The following CHD8 variants were observed in gnomAD, a reference collection of about 807,000 sequenced individuals.
CHD8 encodes the protein chromodomain helicase DNA binding protein 8, also known as ATP-dependent chromatin remodeler CHD8.
A neutral mutation model predicts 279.2 loss-of-function variants in CHD8; 31 were observed. That is an observed-to-expected ratio of 0.11 (90% CI 0.08 to 0.15). CHD8 has a LOEUF of 0.15. Among genes scored for constraint, CHD8 ranks in the 10% least tolerant of loss-of-function variants. CHD8 has a pLI of 1.00. For synonymous variants in CHD8, 1,081 were observed against 1,139.6 expected, an observed-to-expected ratio of 0.95 and a Z score of 1.04; for missense variants, 2,146 against 3,230.5, an observed-to-expected ratio of 0.66 and a Z score of 8.14.
Position 21,385,454 on chromosome 14 carries a change from G to T in CHD8, c.*159C>A. On this transcript the variant is annotated 3_prime_UTR_variant, in exon 38 of 38. Coordinates refer to ENST00000646647, the MANE Select transcript of CHD8 (RefSeq NM_001170629.2). ...CTGCCCACCCAATCCTCTCATAATT[G>T]GGAGCAATCAGGTACATTTTTTTTT... 2 of 1,193,328 alleles carry T rather than the reference G, an allele frequency of 1.7e-6. No homozygotes were observed. Among genetic ancestry groups the T allele is most frequent in the Non-Finnish European group, 2.3e-6 (2 of 884,038 alleles). The allele number at this position is 1,193,328 out of a possible 1,614,324, so 73.9% of individuals were successfully genotyped here. A position where few individuals can be genotyped will look rare whatever the true frequency, so the allele number is the denominator to read the frequency against.
chr14:21,429,620 C>T (rs1447008675), intron 2 of CHD8: 2 of 485,620 alleles, frequency 4.1e-6, no homozygotes, highest in East Asian at 9.2e-5. Context: ...CAACCTGGGC[C>T]AATTCATCCC....
At chr14:21,417,371 G>A (rs1170752965) in intron 5 of CHD8, among the ~76,000 whole-genome samples, 1 of 152,090 alleles carries the variant, frequency 6.6e-6, no homozygotes, top group Non-Finnish European at 1.5e-5. Flanking sequence ...ACAGGGGATT[G>A]GTTCAATAAA....
In CHD8 at chr14:21,392,845, T is replaced by C. The variant is rs1279217965; in HGVS notation, c.6469-36A>G. On this transcript the variant is annotated intron_variant, in intron 33 of 37. Coordinates refer to ENST00000646647, the MANE Select transcript of CHD8 (RefSeq NM_001170629.2). ...AAAGAAAGAAATACCATTTTAAGAG[T>C]CTGAGTACTAGCTGTGTGATCCTGT... 4 of 1,593,938 alleles carry C rather than the reference T, an allele frequency of 2.5e-6. No individual in the cohort carries two copies. The South Asian group carries it at 4.5e-5, about 18-fold the overall frequency.
At position 21,405,106 on chromosome 14, in the gene CHD8, T is replaced by G; in HGVS notation, c.3307+103A>C. The stretch of plus-strand genomic sequence containing the variant: ...CCCATTCCTCAGTCCGCACCCCAAA[T>G]TAGGTTGGTTGAGTCAATGCATCCA... On this transcript the variant is annotated intron_variant, in intron 16 of 37. Transcript: ENST00000646647. This position sits in a 1 kb window ranked among gnomAD's most constrained non-coding sequence, Gnocchi z 4.2. 1.8e-6 allele frequency: 2 copies of G among 1,132,150 alleles called. No homozygotes were observed. Among genetic ancestry groups the G allele is most frequent in the Non-Finnish European group, 2.5e-6 (2 of 787,132 alleles). 70.1% of individuals were successfully genotyped at this position (1,132,150 alleles called of 1,614,324 possible).
At chr14:21,391,342 T>C (rs1280746733) in intron 36 of CHD8, 121 bp downstream of exon 36, 1 of 918,750 alleles carries the variant, frequency 1.1e-6, no homozygotes, top group Non-Finnish European at 1.6e-6. Flanking sequence ...GTATTATTAA[T>C]TATTACCCTT....
intron 32 of CHD8, 63 bp downstream of exon 32, chr14:21,393,413 A>G: frequency 6.7e-7 from 1 of 1,498,656 alleles, no homozygotes; most frequent in Non-Finnish European, 8.9e-7. Flanking sequence ...TGCATTTAGA[A>G]AAGGGAAAGA....
At chr14:21,434,460 T>C (rs943147528) in intron 1 of CHD8, among the ~76,000 whole-genome samples, 3 of 152,138 alleles carry the variant, frequency 2.0e-5, no homozygotes, top group African/African-American at 7.2e-5. Context: ...TGCTCTTCCT[T>C]TCCCCCATAA....
intron 4 of CHD8, 177 bp from the exon 5 acceptor site, chr14:21,426,419 T>C: frequency 1.8e-6 from 1 of 571,308 alleles, no homozygotes; most frequent in Non-Finnish European, 3.1e-6. Context: ...ATATTAGGGT[T>C]TGTAAACCAC....
At chr14:21,399,558 TA>T in intron 26 of CHD8, 43 bp downstream of exon 26, 1 of 1,379,834 alleles carries the variant, frequency 7.2e-7, no homozygotes, top group South Asian at 1.2e-5. Context: ...TCCGTGAACA[TA>T]AATCTTCAGT....
chr14:21,455,533 C>T (rs1233744635), intron 1 of CHD8, among the ~76,000 whole-genome samples: 1 of 152,150 alleles, frequency 6.6e-6, no homozygotes, highest in African/African-American at 2.4e-5. Flanking sequence ...GAACTTACAC[C>T]TGAGAATGAG....
At chr14:21,450,394 T>C (rs565825601) in intron 1 of CHD8, among the ~76,000 whole-genome samples, 24 of 152,240 alleles carry the variant, frequency 1.6e-4, no homozygotes, top group African/African-American at 5.1e-4. Flanking sequence ...AAAGATATAG[T>C]GCATCCCCAA....
At chr14:21,447,999 T>C (rs539447798) in intron 1 of CHD8, among the ~76,000 whole-genome samples, 3 of 152,330 alleles carry the variant, frequency 2.0e-5, no homozygotes, top group Admixed American at 1.3e-4. Flanking sequence ...TATATTAATT[T>C]AGGTAACAGA....
At position 21,431,313 on chromosome 14, in the gene CHD8, G is replaced by A. The variant is rs1555318679; in HGVS notation, c.331C>T (p.Gln111Ter). Residue 111 changes from glutamine (Q) to a stop codon, truncating the protein, a stop_gained, in exon 2 of 38, where the codon CAG becomes TAG. Transcript: ENST00000646647. LOFTEE classifies it high-confidence loss of function. ...SQEQPAQPVL[Q>*]TSTPTSGLLQ... ...AGTCCTGATGTTGGCGTCGATGTCT[G>A]TAAGACAGGTTGGGCTGGCTGCTCC... 1 of 1,550,618 alleles carries A rather than the reference G, an allele frequency of 6.4e-7. No homozygotes were observed.
At position 21,431,595 on chromosome 14, in the gene CHD8, G is replaced by A; in HGVS notation, c.49C>T (p.Leu17=). ...AAGCTGTCATCAGTCAGAGAGTCCA[G>A]GCCAAATAAATTTGGGTCATCGAAC... ...DLFDDPNLFG[L]DSLTDDSFNQ... The change falls in exon 2 of 38, where the codon CTG becomes TTG. Residue 17 remains leucine (L), a synonymous_variant. Coordinates refer to ENST00000646647, the MANE Select transcript of CHD8 (RefSeq NM_001170629.2). The A allele has an allele frequency of 3.3e-6, 5 of 1,537,346 alleles. No individual in the cohort carries two copies. The highest frequency in any genetic ancestry group is 4.4e-6 in the Non-Finnish European group (5 of 1,146,888).
At chr14:21,436,864 G>T (rs2139554313) in intron 1 of CHD8, 2 of 944,286 alleles carry the variant, frequency 2.1e-6, no homozygotes, top group Non-Finnish European at 1.5e-6. Context: ...AGGAAAACGC[G>T]ACTGGGGTGG....
At chr14:21,455,944 G>A (rs1256209055) in intron 1 of CHD8, 88 bp downstream of exon 1, 5 of 153,662 alleles carry the variant, frequency 3.3e-5, no homozygotes, top group Non-Finnish European at 7.2e-5. Flanking sequence ...GAGAGGAGAA[G>A]GAGTTACTTA....
Position 21,391,054 on chromosome 14 carries a change from C to A in CHD8, c.7075G>T (p.Asp2359Tyr). 1 of 1,567,482 alleles carries A rather than the reference C, an allele frequency of 6.4e-7. No homozygotes were observed. The highest frequency in any genetic ancestry group is 8.7e-7 in the Non-Finnish European group (1 of 1,150,386). The change falls in exon 37 of 38, where the codon GAT becomes TAT. Residue 2359 changes from aspartate (D) to tyrosine (Y), a missense_variant. Physicochemically the swap from Asp to Tyr is radical, Grantham distance 160 (BLOSUM62 -3). Coordinates refer to ENST00000646647, the MANE Select transcript of CHD8 (RefSeq NM_001170629.2). ...CTTTGCCACTTCTGTTTTCTGCGAT[C>A]CTCCATATACTGCAATAGAAAAAAT... ...VDPRFLAYME[D>Y]RRKQKWQRCK...
intron 5 of CHD8, among the ~76,000 whole-genome samples, chr14:21,418,827 T>A (rs1251862910): frequency 6.6e-6 from 1 of 151,900 alleles, no homozygotes; most frequent in Non-Finnish European, 1.5e-5. Flanking sequence ...TCTCAAAAAA[T>A]AAATAAATAA....
At chr14:21,386,437 T>G (rs1332143065) in intron 37 of CHD8, 4 of 527,486 alleles carry the variant, frequency 7.6e-6, no homozygotes, top group Non-Finnish European at 1.4e-5. Flanking sequence ...TTGCTTCTTT[T>G]CCCCATGACT....
Sources: gnomAD v4.1 joint callset for allele counts (sites outside exome capture counted in the v4.1 genomes callset) on GRCh38, gnomAD v4.1.1 for gene constraint, Gnocchi (gnomAD v3.1) non-coding constraint, MANE v1.5 for transcripts, NCBI Gene and HGNC (gene_info 2026-07-23, HGNC 2026-07-21) for gene names.